Variants in DLGAP2 observed in about 807,000 individuals in gnomAD.
DLGAP2 encodes DLG associated protein 2.
DLGAP2 carries 26 observed loss-of-function variants against 100.3 expected under a neutral mutation model. The observed-to-expected ratio is 0.26, with a 90% confidence interval of 0.19 to 0.36. The LOEUF (loss-of-function observed/expected upper bound fraction) is 0.36. Among genes scored for constraint, DLGAP2 ranks in the 10% least tolerant of loss-of-function variants. The pLI, the probability that DLGAP2 is intolerant of heterozygous loss-of-function variation, is 1.00. For synonymous variants in DLGAP2, 886 were observed against 630.1 expected (o/e 1.41, Z -6.08); for missense variants, 1,858 against 1,453.2 (o/e 1.28, Z -4.53).
intron 6 of DLGAP2, among the ~76,000 whole-genome samples, chr8:1,580,160 T>C (rs1803169270): frequency 6.6e-6 from 1 of 152,146 alleles, no homozygotes; most frequent in Non-Finnish European, 1.5e-5. Flanking sequence ...CAATACAAGA[T>C]TCAGAAGTGA....
chr8:1,322,128 G>C (rs1800915452), intron 3 of DLGAP2, among the ~76,000 whole-genome samples: 1 of 152,168 alleles, frequency 6.6e-6, no homozygotes, highest in South Asian at 2.1e-4. Flanking sequence ...TTGATATTAA[G>C]TGAATACCTA....
intron 2 of DLGAP2, among the ~76,000 whole-genome samples, chr8:1,144,433 C>T (rs1200406642): frequency 6.6e-6 from 1 of 152,210 alleles, no homozygotes; most frequent in African/African-American, 2.4e-5. Flanking sequence ...ACAATGATGA[C>T]AGTGAGCTTT....
intron 2 of DLGAP2, among the ~76,000 whole-genome samples, chr8:1,147,268 A>G (rs1284946115): frequency 6.6e-6 from 1 of 151,688 alleles, no homozygotes; most frequent in Non-Finnish European, 1.5e-5. Context: ...CAAAAAAATG[A>G]TGCTTTTGTA....
At chr8:751,697 C>G (rs1011568102) in intron 1 of DLGAP2, among the ~76,000 whole-genome samples, 2 of 151,552 alleles carry the variant, frequency 1.3e-5, no homozygotes, top group African/African-American at 4.8e-5. Flanking sequence ...ATAGTAAGTC[C>G]TTATAGTAAG....
chr8:1,591,050 C>T (rs1031271499), intron 6 of DLGAP2, among the ~76,000 whole-genome samples: 1 of 152,180 alleles, frequency 6.6e-6, no homozygotes, highest in African/African-American at 2.4e-5. Flanking sequence ...ACATTCTTGC[C>T]CTTCCGTGCT....
chr8:1,287,265 C>CGT lies in DLGAP2; in HGVS notation c.106+28398_106+28399dup, dbSNP rs1169216188. Reference sequence around the variant, plus strand: ...AGGAGGGGAACTAGTTTTAGTTCAGCGTGTGTGTGTGTGTGTGGTTGTTAG... The same window carrying CGT: ...AGGAGGGGAACTAGTTTTAGTTCAGCGTGTGTGTGTGTGTGTGTGGTTGTTAG... On this transcript the variant is annotated intron_variant, in intron 3 of 14. Transcript: ENST00000637795. 1.2e-4 allele frequency among the ~76,000 whole-genome samples: 4 copies of CGT among 32,482 alleles called. No homozygotes were observed. In the East Asian group the frequency reaches 2.4e-3, roughly 19 times the overall value. The allele number at this position is 32,482 out of a possible 152,430, so 21.3% of individuals were successfully genotyped here.
At chr8:949,495 T>C (rs1799421121) in intron 2 of DLGAP2, among the ~76,000 whole-genome samples, 1 of 151,972 alleles carries the variant, frequency 6.6e-6, no homozygotes, top group Non-Finnish European at 1.5e-5. Context: ...CTCGGGAAGA[T>C]GCGAACATTC....
chr8:1,279,729 G>A (rs1228704403), intron 3 of DLGAP2, among the ~76,000 whole-genome samples: 1 of 152,174 alleles, frequency 6.6e-6, no homozygotes, highest in Non-Finnish European at 1.5e-5. Flanking sequence ...TTATTTCCTT[G>A]TGGCTGTAGG....
chr8:1,519,956 G>A (rs954109102), intron 4 of DLGAP2, among the ~76,000 whole-genome samples: 4 of 152,206 alleles, frequency 2.6e-5, no homozygotes, highest in African/African-American at 9.6e-5. Flanking sequence ...TGGGAGCCTC[G>A]GTTTCCAGTC....
chr8:1,658,995 G>A (rs1798348828), intron 8 of DLGAP2, among the ~76,000 whole-genome samples: 1 of 152,170 alleles, frequency 6.6e-6, no homozygotes, highest in Admixed American at 6.5e-5. Context: ...TCTAAACACT[G>A]TGTTAGCTGT....
chr8:1,418,936 C>T (rs1340999200), intron 3 of DLGAP2, among the ~76,000 whole-genome samples: 2 of 152,206 alleles, frequency 1.3e-5, no homozygotes, highest in South Asian at 2.1e-4. Flanking sequence ...TCACAGAACT[C>T]GGGGAAACAC....
intron 3 of DLGAP2, among the ~76,000 whole-genome samples, chr8:1,342,537 G>A (rs1008786629): frequency 2.2e-4 from 33 of 152,018 alleles, no homozygotes; most frequent in Non-Finnish European, 4.0e-4. Flanking sequence ...CGGCTCAGTC[G>A]CATCTGCTGT....
At position 868,705 on chromosome 8, in the gene DLGAP2, T is replaced by C. The variant is rs539356048; in HGVS notation, c.19-39207T>C. Among the ~76,000 whole-genome samples, 3 of 152,326 alleles carry C rather than the reference T, an allele frequency of 2.0e-5. No individual in the cohort carries two copies. The South Asian group carries it at 6.2e-4, about 32-fold the overall frequency. ...GTGCTGGTGTGGGCTTTGGTGTGTC[T>C]GAGGCGTCTGCAGCCCTGTCTGTCA... On this transcript the variant is annotated intron_variant, in intron 1 of 14. Coordinates refer to ENST00000637795, the MANE Select transcript of DLGAP2 (RefSeq NM_001346810.2).
chr8:1,585,198 C>G (rs927091443), intron 6 of DLGAP2, among the ~76,000 whole-genome samples: 1 of 152,196 alleles, frequency 6.6e-6, no homozygotes, highest in African/African-American at 2.4e-5. Flanking sequence ...AATGAGGGCT[C>G]ACACCTGTGA....
intron 4 of DLGAP2, among the ~76,000 whole-genome samples, chr8:1,514,204 A>G (rs1245855011): frequency 1.3e-5 from 2 of 152,226 alleles, no homozygotes; most frequent in African/African-American, 4.8e-5. Context: ...ACATAATTAG[A>G]GATATGTTTT....
chr8:1,646,931 C>G (rs1383160897), intron 8 of DLGAP2, among the ~76,000 whole-genome samples: 1 of 152,162 alleles, frequency 6.6e-6, no homozygotes, highest in Non-Finnish European at 1.5e-5. Flanking sequence ...GATGGAAAGG[C>G]CAGAGAAGCG....
intron 2 of DLGAP2, among the ~76,000 whole-genome samples, chr8:956,070 G>A (rs1308664520): frequency 6.6e-6 from 1 of 152,214 alleles, no homozygotes; most frequent in Non-Finnish European, 1.5e-5. Context: ...GGGCTGTTTT[G>A]AGGATGGTTA....
chr8:1,178,031 T>A (rs1753823168), intron 2 of DLGAP2, among the ~76,000 whole-genome samples: 1 of 152,180 alleles, frequency 6.6e-6, no homozygotes, highest in Non-Finnish European at 1.5e-5. Flanking sequence ...GATTCGGCCA[T>A]GGCCAGTGGT....
intron 2 of DLGAP2, among the ~76,000 whole-genome samples, chr8:1,248,269 G>A (rs868082175): frequency 4.0e-5 from 2 of 50,032 alleles, no homozygotes; most frequent in African/African-American, 5.8e-5. Flanking sequence ...GATGGTCCAT[G>A]TCGGTGGCCG....
Sources: gnomAD v4.1 joint callset for allele counts (sites outside exome capture counted in the v4.1 genomes callset) on GRCh38, gnomAD v4.1.1 for gene constraint, MANE v1.5 for transcripts, NCBI Gene and HGNC (gene_info 2026-07-23, HGNC 2026-07-21) for gene names.